The following EPAS1 variants were observed in gnomAD, a reference collection of about 807,000 sequenced individuals.
EPAS1 encodes endothelial PAS domain protein 1.
EPAS1 carries 23 observed loss-of-function variants against 87.9 expected under a neutral mutation model. The ratio of observed to expected loss-of-function variants is 0.26; its 90% confidence interval spans 0.19 to 0.37. The LOEUF (loss-of-function observed/expected upper bound fraction) is 0.37. Ranked by LOEUF, EPAS1 falls within the 10% of genes least tolerant of loss-of-function variation. EPAS1 has a pLI of 1.00. For synonymous variants in EPAS1, 508 were observed against 444.3 expected (o/e 1.14, Z -1.80); for missense variants, 1,138 against 1,120.7 (o/e 1.02, Z -0.22).
intron 2 of EPAS1, 125 bp from the exon 3 acceptor site, chr2:46,356,026 G>A: frequency 9.9e-7 from 1 of 1,009,526 alleles, no homozygotes; most frequent in Non-Finnish European, 1.6e-6. Flanking sequence ...ATGGTTGGCA[G>A]TATGCGTTTC....
chr2:46,328,926 C>T lies in EPAS1; in HGVS notation c.27-17947C>T, dbSNP rs967497933. Among the ~76,000 whole-genome samples the T allele has an allele frequency of 2.0e-5, 3 of 152,054 alleles. No homozygotes were observed. The South Asian group carries it at 6.2e-4, about 31-fold the overall frequency. ...TCCCTGTTCCCTCCTCCTTTTTGTT[C>T]ATAAAAAAAATTATTTTTTTCCAAA... On this transcript the variant is annotated intron_variant, in intron 1 of 15. Coordinates refer to ENST00000263734, the MANE Select transcript of EPAS1 (RefSeq NM_001430.5).
chr2:46,332,531 A>G (rs1241680162), intron 1 of EPAS1, among the ~76,000 whole-genome samples: 2 of 152,114 alleles, frequency 1.3e-5, no homozygotes, highest in African/African-American at 2.4e-5. Flanking sequence ...AGGGAAGTCA[A>G]AGGCGGAGGA....
At chr2:46,314,551 G>T (rs1365022173) in intron 1 of EPAS1, among the ~76,000 whole-genome samples, 2 of 152,342 alleles carry the variant, frequency 1.3e-5, no homozygotes, top group East Asian at 3.9e-4. Context: ...ATCTCTCTGG[G>T]CCTCAGTTTC....
chr2:46,324,376 T>A (rs1006963711), intron 1 of EPAS1, among the ~76,000 whole-genome samples: 5 of 152,186 alleles, frequency 3.3e-5, no homozygotes, highest in Non-Finnish European at 5.9e-5. Context: ...CCTAATTATG[T>A]TTTTATATGA....
chr2:46,355,967 G>T (rs994017405), intron 2 of EPAS1, 184 bp from the exon 3 acceptor site: 8 of 681,198 alleles, frequency 1.2e-5, no homozygotes, highest in African/African-American at 8.8e-5. Flanking sequence ...TCCCGTCAGG[G>T]TGTCCTCTGT....
chr2:46,344,498 A>C (rs1261810260), intron 1 of EPAS1, among the ~76,000 whole-genome samples: 1 of 152,198 alleles, frequency 6.6e-6, no homozygotes, highest in African/African-American at 2.4e-5. Context: ...CAAAGGCATG[A>C]TGTGTGCGGT....
At chr2:46,338,292 T>C (rs1176491187) in intron 1 of EPAS1, among the ~76,000 whole-genome samples, 2 of 152,216 alleles carry the variant, frequency 1.3e-5, no homozygotes, top group Admixed American at 6.5e-5. Context: ...AGAAGCAATA[T>C]GCTGAGAGTT....
intron 4 of EPAS1, among the ~76,000 whole-genome samples, chr2:46,359,544 T>A (rs911580449): frequency 3.3e-5 from 5 of 152,148 alleles, no homozygotes; most frequent in South Asian, 4.1e-4. Context: ...CTCTCTTTTT[T>A]AAAAAAATTC....
intron 15 of EPAS1, among the ~76,000 whole-genome samples, chr2:46,384,111 G>T (rs1032271801): frequency 1.3e-5 from 2 of 152,230 alleles, no homozygotes; most frequent in Admixed American, 6.5e-5. Flanking sequence ...TCAGACTGTT[G>T]AATCTTGAGG....
At chr2:46,363,005 GTGGTGGTGGTGGTGA>G in intron 6 of EPAS1, among the ~76,000 whole-genome samples, 2 of 102,958 alleles carry the variant, frequency 1.9e-5, no homozygotes, top group African/African-American at 6.7e-5. Context: ...GGTGGTGGTG[GTGGTGGTGGTGGTGA>G]TAATGATGGT....
chr2:46,332,291 C>CGTGT (rs57893491), intron 1 of EPAS1, among the ~76,000 whole-genome samples: 3,813 of 110,700 alleles, frequency 0.034, 86 homozygotes, highest in East Asian at 0.069. Context: ...AAAAAAAATA[C>CGTGT]GTGTGTGTGT....
intron 1 of EPAS1, among the ~76,000 whole-genome samples, chr2:46,335,485 G>A (rs1683771168): frequency 6.8e-6 from 1 of 146,560 alleles, no homozygotes; most frequent in African/African-American, 2.5e-5. Context: ...CCCAGTGCTG[G>A]CCTCTGAGGC....
intron 1 of EPAS1, among the ~76,000 whole-genome samples, chr2:46,341,031 T>C (rs1236686203): frequency 6.6e-6 from 1 of 152,178 alleles, no homozygotes; most frequent in Non-Finnish European, 1.5e-5. Context: ...ATTTTCTGTT[T>C]TCACTATCTA....
intron 2 of EPAS1, among the ~76,000 whole-genome samples, chr2:46,353,380 C>A (rs1684210173): frequency 6.6e-6 from 1 of 152,192 alleles, no homozygotes; most frequent in South Asian, 2.1e-4. Context: ...CCGTCCAGGG[C>A]CAGCTTCATG....
At chr2:46,305,169 G>A (rs187153671) in intron 1 of EPAS1, among the ~76,000 whole-genome samples, 130 of 152,292 alleles carry the variant, frequency 8.5e-4, no homozygotes, top group African/African-American at 3.0e-3. Context: ...GGTGACCCTT[G>A]TCTGTTCCCA....
intron 1 of EPAS1, among the ~76,000 whole-genome samples, chr2:46,302,166 G>T (rs999837411): frequency 2.7e-5 from 4 of 149,658 alleles, no homozygotes; most frequent in South Asian, 2.2e-4. Flanking sequence ...GCGTCGGGGG[G>T]GGGGGCAGTG....
At chr2:46,366,142 C>T (rs371071487) in intron 6 of EPAS1, among the ~76,000 whole-genome samples, 22 of 152,344 alleles carry the variant, frequency 1.4e-4, no homozygotes, top group African/African-American at 4.6e-4. Context: ...CGCACGTGGA[C>T]GGGTGCTGGC....
intron 1 of EPAS1, among the ~76,000 whole-genome samples, chr2:46,308,426 T>C (rs1481050990): frequency 7.1e-6 from 1 of 141,098 alleles, no homozygotes; most frequent in East Asian, 2.4e-4. Context: ...TGTCTGATTT[T>C]CTGATGTGCC....
rs77464196 is a variant in EPAS1 at position 46,384,409 on chromosome 2, T to A, written c.2462-100T>A. On this transcript the variant is annotated intron_variant, in intron 15 of 15. Coordinates refer to ENST00000263734, the MANE Select transcript of EPAS1 (RefSeq NM_001430.5). ...ACACCACTGAAGGAGCAGAGTGAAA[T>A]TAGGGCTGCTCTATTGGTATCCCCC... is the stretch of plus-strand genomic sequence containing the variant. The A allele has an allele frequency of 5.6e-4, 864 of 1,536,606 alleles. 3 individuals are homozygous for A. In the African/African-American group the frequency reaches 9.7e-3, roughly 17 times the overall value.
Sources: allele counts gnomAD v4.1 joint callset (sites outside exome capture counted in the v4.1 genomes callset), GRCh38; gene constraint gnomAD v4.1.1; transcripts MANE v1.5; gene names NCBI Gene and HGNC (gene_info 2026-07-23, HGNC 2026-07-21).